The following MYRIP variants were observed in gnomAD, a reference collection of about 807,000 sequenced individuals.
The protein encoded by MYRIP is rab effector MyRIP.
A neutral mutation model predicts 98.0 loss-of-function variants in MYRIP; 49 were observed. That is an observed-to-expected ratio of 0.50 (90% CI 0.40 to 0.63). The LOEUF is 0.63. Ranked by LOEUF, MYRIP falls within the 30% of genes least tolerant of loss-of-function variation. The pLI is 0.00. For missense variants in MYRIP, 1,004 were observed against 1,058.2 expected, an observed-to-expected ratio of 0.95 and a Z score of 0.71; for synonymous variants, 404 against 409.5, an observed-to-expected ratio of 0.99 and a Z score of 0.16.
chr3:39,875,853 A>G (rs1942975203), intron 1 of MYRIP, among the ~76,000 whole-genome samples: 1 of 151,996 alleles, frequency 6.6e-6, no homozygotes, highest in Non-Finnish European at 1.5e-5. Context: ...GATGTCTATT[A>G]GGTGCACTTG....
At chr3:40,082,100 T>A (rs1052382531) in intron 3 of MYRIP, among the ~76,000 whole-genome samples, 2 of 152,194 alleles carry the variant, frequency 1.3e-5, no homozygotes, top group African/African-American at 4.8e-5. Flanking sequence ...AGATAACAAG[T>A]GTTGTCAAGG....
chr3:40,123,418 C>CA (rs927482785), intron 3 of MYRIP, among the ~76,000 whole-genome samples: 1 of 152,232 alleles, frequency 6.6e-6, no homozygotes. Flanking sequence ...TGGGAGGACT[C>CA]AGAGACTGTG....
intron 1 of MYRIP, among the ~76,000 whole-genome samples, chr3:39,885,996 T>A (rs961671580): frequency 6.6e-6 from 1 of 152,032 alleles, no homozygotes; most frequent in East Asian, 1.9e-4. Context: ...TTCTCTCAGC[T>A]CATCAAAGTC....
intron 5 of MYRIP, among the ~76,000 whole-genome samples, chr3:40,165,565 A>C (rs1203409247): frequency 6.6e-6 from 1 of 152,128 alleles, no homozygotes; most frequent in East Asian, 1.9e-4. Context: ...GCCCTTGCTG[A>C]CCTACATTCC....
chr3:39,961,666 C>G (rs1327880346), intron 2 of MYRIP, among the ~76,000 whole-genome samples: 2 of 152,062 alleles, frequency 1.3e-5, no homozygotes, highest in Admixed American at 6.6e-5. Flanking sequence ...TTGAAATAAC[C>G]CGTTACTAGT....
intron 3 of MYRIP, among the ~76,000 whole-genome samples, chr3:40,138,463 A>G (rs1949827926): frequency 6.6e-6 from 1 of 152,260 alleles, no homozygotes; most frequent in Non-Finnish European, 1.5e-5. Flanking sequence ...TATTTCCAAA[A>G]GATCGTATTA....
At chr3:39,981,596 G>T (rs1945898086) in intron 2 of MYRIP, among the ~76,000 whole-genome samples, 1 of 152,118 alleles carries the variant, frequency 6.6e-6, no homozygotes, top group Non-Finnish European at 1.5e-5. Flanking sequence ...CCCTTTTCAT[G>T]TTGTTGGGGT....
Position 40,174,548 on chromosome 3 carries a change from G to A in MYRIP, c.873+4455G>A, listed in dbSNP as rs150815843. The stretch of plus-strand genomic sequence containing the variant: ...CCTTTGAGAAGCTGCTATTATCAGC[G>A]CCTTCATGATTGTCTGTGGTCACGT... On this transcript the variant is annotated intron_variant, in intron 8 of 16. Transcript: ENST00000302541. 382 of 152,292 alleles carry A rather than the reference G, an allele frequency of 2.5e-3. 1 individual carries two copies. The highest frequency in any genetic ancestry group is 7.2e-3 in the African/African-American group (301 of 41,532). The allele number at this position is 152,292 out of a possible 1,614,324, so 9.4% of individuals were successfully genotyped here. A position where few individuals can be genotyped will look rare whatever the true frequency, so the allele number is the denominator to read the frequency against.
intron 1 of MYRIP, among the ~76,000 whole-genome samples, chr3:39,879,960 A>T (rs1943117476): frequency 6.6e-6 from 1 of 152,222 alleles, no homozygotes; most frequent in Non-Finnish European, 1.5e-5. Flanking sequence ...CATGACTTCT[A>T]GCCACACAAA....
chr3:39,892,585 A>C (rs1308350399), intron 1 of MYRIP, among the ~76,000 whole-genome samples: 7 of 152,228 alleles, frequency 4.6e-5, no homozygotes, highest in African/African-American at 1.7e-4. Flanking sequence ...AGACTGTTTC[A>C]GAGTGTGAAT....
rs1575394077 is a variant in MYRIP at position 39,935,445 on chromosome 3, A to G, written c.110+34519A>G. ...CACCAATTACAAGGTCAGGAACCCTATAGCTTCGAGGAGAAGTGGATTAGG... is the reference window on the plus strand; with the variant it reads ...CACCAATTACAAGGTCAGGAACCCTGTAGCTTCGAGGAGAAGTGGATTAGG... On this transcript the variant is annotated intron_variant, in intron 2 of 16. Coordinates refer to ENST00000302541, the MANE Select transcript of MYRIP (RefSeq NM_015460.4). 6.6e-5 allele frequency among the ~76,000 whole-genome samples: 10 copies of G among 152,238 alleles called. No homozygotes were observed. In the South Asian group the frequency reaches 2.1e-3, roughly 32 times the overall value.
At chr3:40,016,823 T>G (rs1172144577) in intron 2 of MYRIP, among the ~76,000 whole-genome samples, 1 of 152,232 alleles carries the variant, frequency 6.6e-6, no homozygotes, top group South Asian at 2.1e-4. Flanking sequence ...TTTGTGCGGA[T>G]TACAAGTCAC....
chr3:39,936,745 A>G (rs1365516335), intron 2 of MYRIP, among the ~76,000 whole-genome samples: 1 of 152,140 alleles, frequency 6.6e-6, no homozygotes, highest in African/African-American at 2.4e-5. Flanking sequence ...TCAGCCTGGC[A>G]GATTCCTCCC....
chr3:40,086,477 C>T (rs543612100), intron 3 of MYRIP, among the ~76,000 whole-genome samples: 66 of 152,220 alleles, frequency 4.3e-4, no homozygotes, highest in East Asian at 9.7e-4. Context: ...CAGGAGGGGC[C>T]GTAACTCAGC....
rs147549256 is a variant in MYRIP at position 40,033,658 on chromosome 3, T to C, written c.111-10392T>C. On this transcript the variant is annotated intron_variant, in intron 2 of 16. Coordinates refer to ENST00000302541, the MANE Select transcript of MYRIP (RefSeq NM_015460.4). ...TGGCCATACTGCCCAAGGTAATTTA[T>C]AGATTCAATGCCATCCCTATCAAGC... Among the ~76,000 whole-genome samples the C allele has an allele frequency of 9.6e-3, 1,455 of 152,292 alleles. 25 individuals are homozygous for C. Among genetic ancestry groups the C allele is most frequent in the African/African-American group, 0.032 (1,337 of 41,568 alleles).
intron 2 of MYRIP, among the ~76,000 whole-genome samples, chr3:39,938,140 T>C (rs180916102): frequency 6.4e-4 from 98 of 152,328 alleles, no homozygotes; most frequent in Non-Finnish European, 9.7e-4. Flanking sequence ...AGCCACCCTG[T>C]GCTGCCTTTT....
intron 1 of MYRIP, among the ~76,000 whole-genome samples, chr3:39,880,333 T>C (rs1414652380): frequency 6.6e-6 from 1 of 152,264 alleles, no homozygotes; most frequent in Non-Finnish European, 1.5e-5. Context: ...ATGTACGCAA[T>C]CTAGTTTTCC....
chr3:39,825,177 CCTTT>C (rs1941226536), intron 1 of MYRIP, among the ~76,000 whole-genome samples: 1 of 151,900 alleles, frequency 6.6e-6, no homozygotes, highest in Non-Finnish European at 1.5e-5. Flanking sequence ...ATTTGGATGC[CCTTT>C]CTTTCTTTCT....
intron 3 of MYRIP, among the ~76,000 whole-genome samples, chr3:40,086,042 A>T (rs1443002337): frequency 1.3e-5 from 2 of 151,500 alleles, no homozygotes; most frequent in Admixed American, 1.3e-4. Flanking sequence ...GAAATACAGT[A>T]AAAAAAACCC....
Sources: gnomAD v4.1 joint callset for allele counts (sites outside exome capture counted in the v4.1 genomes callset) on GRCh38, gnomAD v4.1.1 for gene constraint, MANE v1.5 for transcripts, NCBI Gene and HGNC (gene_info 2026-07-23, HGNC 2026-07-21) for gene names.